HSD17B13: variants seen among roughly 807,000 people sequenced by gnomAD.
HSD17B13 encodes the protein hydroxysteroid 17-beta dehydrogenase 13.
In HSD17B13, 26 loss-of-function variants were observed where a neutral mutation model predicts 31.1. That is an observed-to-expected ratio of 0.84 (90% CI 0.61 to 1.16). HSD17B13 has a LOEUF of 1.16. Among genes scored for constraint, HSD17B13 ranks in the 50% most tolerant of loss-of-function variants. The pLI, the probability that HSD17B13 is intolerant of heterozygous loss-of-function variation, is 0.00. For synonymous variants in HSD17B13, 141 were observed against 133.7 expected (o/e 1.05, Z -0.38); for missense variants, 374 against 366.5 (o/e 1.02, Z -0.17).
chr4:87,317,339 C>A, intron 2 of HSD17B13, 116 bp from the exon 3 acceptor site: 1 of 964,866 alleles, frequency 1.0e-6, no homozygotes, highest in South Asian at 1.6e-5. Context: ...TCTCAGAGTT[C>A]AGGCAAGACA....
At chr4:87,315,461 A>G in intron 4 of HSD17B13, 32 bp downstream of exon 4, 1 of 1,322,296 alleles carries the variant, frequency 7.6e-7, no homozygotes, top group Non-Finnish European at 1.1e-6. Context: ...AAAGTATAAA[A>G]ATATATAACA....
chr4:87,307,500 T>C (rs1560745838), intron 6 of HSD17B13, among the ~76,000 whole-genome samples: 1 of 151,950 alleles, frequency 6.6e-6, no homozygotes. Context: ...TCAACTTTTA[T>C]TTTTTTTCAT....
chr4:87,307,320 T>G (rs554743017), intron 6 of HSD17B13, among the ~76,000 whole-genome samples: 2 of 152,318 alleles, frequency 1.3e-5, no homozygotes, highest in South Asian at 4.2e-4. Context: ...TTTATTTTAC[T>G]GGGATACTAT....
intron 6 of HSD17B13, among the ~76,000 whole-genome samples, chr4:87,309,349 A>C (rs111297471): frequency 0.32 from 45,613 of 141,708 alleles, 7,411 homozygotes; most frequent in South Asian, 0.38. Context: ...ACGCCACTGC[A>C]CTCCAGCCTG....
chr4:87,306,185 C>A (rs537387866), intron 6 of HSD17B13, among the ~76,000 whole-genome samples: 1 of 152,198 alleles, frequency 6.6e-6, no homozygotes, highest in East Asian at 1.9e-4. Context: ...AAATTGGATG[C>A]AAATATAAAT....
intron 6 of HSD17B13, among the ~76,000 whole-genome samples, chr4:87,307,647 G>T (rs1390723079): frequency 6.6e-6 from 1 of 152,116 alleles, no homozygotes; most frequent in Non-Finnish European, 1.5e-5. Context: ...TATTACAGGT[G>T]CAGGCCACTA....
rs182277822 is a variant in HSD17B13, at chr4:87,320,348, C to T, written c.211-1912G>A. On this transcript the variant is annotated intron_variant, in intron 1 of 6. Transcript: ENST00000328546. The stretch of plus-strand genomic sequence containing the variant: ...GAGCATAAGTTACCAGAGCATTCAT[C>T]AGATGTTTTGATTGAAGAATTAATT... Among the ~76,000 whole-genome samples, 482 of 150,176 alleles carry T rather than the reference C, an allele frequency of 3.2e-3. 2 individuals are homozygous for T. The highest frequency in any genetic ancestry group is 5.2e-3 in the Non-Finnish European group (350 of 67,684).
intron 4 of HSD17B13, among the ~76,000 whole-genome samples, chr4:87,314,627 T>TC (rs1436930925): frequency 7.1e-6 from 1 of 140,316 alleles, no homozygotes; most frequent in African/African-American, 3.1e-5. Flanking sequence ...TCGTTTTCTC[T>TC]CTCTCTCTCT....
intron 6 of HSD17B13, among the ~76,000 whole-genome samples, chr4:87,307,390 G>A (rs1204160942): frequency 6.6e-6 from 1 of 152,134 alleles, no homozygotes; most frequent in Non-Finnish European, 1.5e-5. Context: ...GTATATGCAT[G>A]TAATTTTCAA....
chr4:87,317,563 C>CTTTATTTTTTTTTTTTTT (rs1734681075), intron 2 of HSD17B13, among the ~76,000 whole-genome samples: 2 of 49,748 alleles, frequency 4.0e-5, no homozygotes, highest in African/African-American at 1.7e-4. Context: ...TTTCTTTAAA[C>CTTTATTTTTTTTTTTTTT]TTTTTTTTTT....
intron 1 of HSD17B13, among the ~76,000 whole-genome samples, chr4:87,320,855 C>T (rs1734770517): frequency 6.6e-6 from 1 of 152,152 alleles, no homozygotes; most frequent in Admixed American, 6.5e-5. Context: ...TCTCTCATCT[C>T]ACAGGGCAAA....
At chr4:87,320,382 GTTTTT>G (rs66590696) in intron 1 of HSD17B13, among the ~76,000 whole-genome samples, 101 of 101,382 alleles carry the variant, frequency 1.0e-3, no homozygotes, top group Middle Eastern at 8.2e-3. Flanking sequence ...TTATTCTTCA[GTTTTT>G]TTTTTTTTTT....
chr4:87,306,214 A>G (rs1329992007), intron 6 of HSD17B13, among the ~76,000 whole-genome samples: 1 of 151,832 alleles, frequency 6.6e-6, no homozygotes, highest in Non-Finnish European at 1.5e-5. Flanking sequence ...GATACATACC[A>G]CTCTTCTCAC....
At position 87,318,378 on chromosome 4, in the gene HSD17B13, T is replaced by C. The variant is rs372506188; in HGVS notation, c.269A>G (p.Tyr90Cys). 1.0e-4 allele frequency: 163 copies of C among 1,614,094 alleles called. No individual in the cohort carries two copies. Among genetic ancestry groups the C allele is most frequent in the Admixed American group, 2.0e-4 (12 of 60,010 alleles). ...TTCTCTGTTGCTGCAGTCTACCACATACGCATGCGCAGTGACGCCTAGTTT... is the reference window on the plus strand; with the variant it reads ...TTCTCTGTTGCTGCAGTCTACCACACACGCATGCGCAGTGACGCCTAGTTT... Reference protein sequence around the residue: ...CRKLGVTAHAYVVDCSNREEI... With the variant: ...CRKLGVTAHACVVDCSNREEI... Residue 90 changes from tyrosine (Y) to cysteine (C), a missense_variant, in exon 2 of 7, where the codon TAT (tyrosine) becomes TGT (cysteine). Physicochemically the swap from Tyr to Cys is radical, Grantham distance 194. Transcript: ENST00000328546.
rs954775837 is a variant in HSD17B13, at chr4:87,313,864, T to C, written c.654A>G (p.Pro218=). 1 of 1,612,798 alleles carries C rather than the reference T, an allele frequency of 6.2e-7. No homozygotes were observed. Among genetic ancestry groups the C allele is most frequent in the Non-Finnish European group, 8.5e-7 (1 of 1,179,420 alleles). The change falls in exon 5 of 7, where the codon CCA becomes CCG. Residue 218 remains proline (P), a synonymous_variant. Coordinates refer to ENST00000328546, the MANE Select transcript of HSD17B13 (RefSeq NM_178135.5). The part of the protein sequence containing the change: ...KTGIKTSCLC[P]VFVNTGFTKN... ...TGGTGAACCCAGTATTCACAAAAACTGGGCAGAGACATGAGGTTTTGATAC... is the reference window on the plus strand; with the variant it reads ...TGGTGAACCCAGTATTCACAAAAACCGGGCAGAGACATGAGGTTTTGATAC...
intron 4 of HSD17B13, 74 bp downstream of exon 4, chr4:87,315,419 G>C: frequency 1.3e-6 from 1 of 791,598 alleles, no homozygotes; most frequent in South Asian, 2.0e-5. Flanking sequence ...GGACTCTCCA[G>C]TGGTAACAAT....
At chr4:87,313,190 G>GT (rs1313193238) in intron 5 of HSD17B13, among the ~76,000 whole-genome samples, 1 of 152,112 alleles carries the variant, frequency 6.6e-6, no homozygotes, top group East Asian at 1.9e-4. Flanking sequence ...AACTCAGGCT[G>GT]TAAGAGTCAG....
At chr4:87,315,467 T>G in intron 4 of HSD17B13, 26 bp downstream of exon 4, 8 of 1,358,050 alleles carry the variant, frequency 5.9e-6, no homozygotes, top group Non-Finnish European at 7.3e-6. Context: ...TAAAAATATA[T>G]AACATGGCTG....
Position 87,306,519 on chromosome 4 carries a change from C to T in HSD17B13, c.813-1211G>A, listed in dbSNP as rs1734391656. On this transcript the variant is annotated intron_variant, in intron 6 of 6. Transcript: ENST00000328546. ...AGCCATCTAGAATTAAGGGCTATAA[C>T]TGGAAGGAGGATTCACATGGGCTGG... Among the ~76,000 whole-genome samples the T allele has an allele frequency of 1.3e-5, 2 of 152,036 alleles. 1 individual carries two copies. The highest frequency in any genetic ancestry group is 4.1e-4 in the South Asian group (2 of 4,826).
Sources: gnomAD v4.1 joint callset for allele counts (sites outside exome capture counted in the v4.1 genomes callset) on GRCh38, gnomAD v4.1.1 for gene constraint, MANE v1.5 for transcripts, NCBI Gene and HGNC (gene_info 2026-07-23, HGNC 2026-07-21) for gene names.